MAN2A1: variants seen among roughly 807,000 people sequenced by gnomAD.
The protein encoded by MAN2A1 is alpha-mannosidase 2.
A neutral mutation model predicts 142.6 loss-of-function variants in MAN2A1; 76 were observed. The observed-to-expected ratio is 0.53, with a 90% CI of 0.44 to 0.65. The LOEUF (loss-of-function observed/expected upper bound fraction) is 0.65, where lower values mean the gene tolerates loss of function less well. MAN2A1 is among the 30% of genes least tolerant of loss of function. MAN2A1 has a pLI of 0.00. For missense variants in MAN2A1, 1,311 were observed against 1,365.1 expected (o/e 0.96, Z 0.62); for synonymous variants, 559 against 473.2 (o/e 1.18, Z -2.35).
rs373860065 is a variant in MAN2A1 at position 109,778,083 on chromosome 5, CA to C, written c.1374+3131del. Among the ~76,000 whole-genome samples the C allele has an allele frequency of 6.9e-4, 101 of 145,324 alleles. No homozygotes were observed. The South Asian group carries it at 0.011, about 16-fold the overall frequency. On this transcript the variant is annotated intron_variant, in intron 8 of 21. Transcript: ENST00000261483. ...TGTAGGTCATCTTTTAAATTTCTAC[CA>C]AAAAAAAAAAAATTGAAGGGGATTT...
chr5:109,776,639 A>T (rs1753300738), intron 8 of MAN2A1, among the ~76,000 whole-genome samples: 1 of 152,148 alleles, frequency 6.6e-6, no homozygotes, highest in African/African-American at 2.4e-5. Flanking sequence ...TACATAGAAG[A>T]AGTGGACAAA....
At chr5:109,821,519 T>C (rs1349259616) in intron 15 of MAN2A1, among the ~76,000 whole-genome samples, 1 of 152,202 alleles carries the variant, frequency 6.6e-6, no homozygotes, top group African/African-American at 2.4e-5. Flanking sequence ...CTAGAAAGAC[T>C]AGGTAAATGT....
chr5:109,851,844 G>T (rs1755490421), intron 19 of MAN2A1, among the ~76,000 whole-genome samples: 1 of 152,070 alleles, frequency 6.6e-6, no homozygotes, highest in Admixed American at 6.6e-5. Context: ...AGAAGAAATT[G>T]GGAGAGATCA....
intron 4 of MAN2A1, among the ~76,000 whole-genome samples, chr5:109,730,912 A>G (rs1245182035): frequency 6.6e-6 from 1 of 152,080 alleles, no homozygotes; most frequent in Non-Finnish European, 1.5e-5. Context: ...ATCCTTTTCT[A>G]GTGATTTGAA....
chr5:109,770,956 C>T (rs1035259132), intron 7 of MAN2A1, among the ~76,000 whole-genome samples: 1 of 152,208 alleles, frequency 6.6e-6, no homozygotes, highest in East Asian at 1.9e-4. Flanking sequence ...GTGTAATTAT[C>T]TGTTCCCTTA....
intron 4 of MAN2A1, among the ~76,000 whole-genome samples, chr5:109,738,748 T>A (rs894938147): frequency 6.6e-6 from 1 of 152,208 alleles, no homozygotes; most frequent in African/African-American, 2.4e-5. Flanking sequence ...TAAACATTAG[T>A]GCTTTTTTAA....
At chr5:109,732,955 G>A (rs1346019018) in intron 4 of MAN2A1, among the ~76,000 whole-genome samples, 1 of 152,178 alleles carries the variant, frequency 6.6e-6, no homozygotes, top group African/African-American at 2.4e-5. Context: ...ACCTTGGGCA[G>A]TATGGCCATT....
chr5:109,806,108 G>C (rs1160939645), intron 12 of MAN2A1, among the ~76,000 whole-genome samples: 1 of 152,142 alleles, frequency 6.6e-6, no homozygotes, highest in Non-Finnish European at 1.5e-5. Context: ...GGTGAATATA[G>C]AGCAGTCTGA....
At chr5:109,732,840 A>T (rs1751957512) in intron 4 of MAN2A1, among the ~76,000 whole-genome samples, 1 of 151,942 alleles carries the variant, frequency 6.6e-6, no homozygotes, top group African/African-American at 2.4e-5. Context: ...TGACTTGGCG[A>T]TGCGGGCTCT....
In MAN2A1 at chr5:109,767,462, C is replaced by G. The variant is rs1176236302; in HGVS notation, c.836-73C>G. The G allele has an allele frequency of 2.4e-6, 3 of 1,238,598 alleles. No homozygotes were observed. In the South Asian group the frequency reaches 4.2e-5, roughly 17 times the overall value. The allele number at this position is 1,238,598 out of a possible 1,614,324, so 76.7% of individuals were successfully genotyped here. ...AGGAGACTATACAATGACAATGAGT[C>G]TGAATGTGTTGTGACTTCTTTTTAT... On this transcript the variant is annotated intron_variant, in intron 5 of 21. Coordinates refer to ENST00000261483, the MANE Select transcript of MAN2A1 (RefSeq NM_002372.4).
At chr5:109,728,873 A>G (rs952302019) in intron 3 of MAN2A1, among the ~76,000 whole-genome samples, 21 of 152,116 alleles carry the variant, frequency 1.4e-4, no homozygotes, top group African/African-American at 5.1e-4. Flanking sequence ...TATACTTGCA[A>G]TCTCTTTTTT....
chr5:109,739,177 T>C (rs1752195502), intron 4 of MAN2A1, among the ~76,000 whole-genome samples: 1 of 152,136 alleles, frequency 6.6e-6, no homozygotes, highest in Non-Finnish European at 1.5e-5. Flanking sequence ...AATTTTTTTT[T>C]CTCTTCTCTC....
chr5:109,760,328 G>A (rs979530893), intron 5 of MAN2A1, among the ~76,000 whole-genome samples: 1 of 152,044 alleles, frequency 6.6e-6, no homozygotes, highest in African/African-American at 2.4e-5. Context: ...CCTTTTTATG[G>A]CTGCATAATA....
intron 12 of MAN2A1, among the ~76,000 whole-genome samples, chr5:109,806,196 C>T (rs544135195): frequency 1.3e-5 from 2 of 152,238 alleles, no homozygotes; most frequent in East Asian, 1.9e-4. Context: ...GCTTCTAGCA[C>T]GTGCACCCTG....
At chr5:109,848,146 G>A (rs1416738848) in intron 19 of MAN2A1, among the ~76,000 whole-genome samples, 2 of 152,102 alleles carry the variant, frequency 1.3e-5, no homozygotes, top group African/African-American at 4.8e-5. Flanking sequence ...ATTAAATTTG[G>A]TAAACTTTAT....
At chr5:109,808,901 C>T (rs1022255147) in intron 12 of MAN2A1, among the ~76,000 whole-genome samples, 2 of 151,906 alleles carry the variant, frequency 1.3e-5, no homozygotes, top group Admixed American at 6.6e-5. Flanking sequence ...CAGGATGTCG[C>T]CATGTTTGCC....
rs777028216 is a variant in MAN2A1, at chr5:109,767,680, A to G, written c.981A>G (p.Thr327=). 5 of 1,612,900 alleles carry G rather than the reference A, an allele frequency of 3.1e-6. No individual in the cohort carries two copies. Among genetic ancestry groups the G allele is most frequent in the Non-Finnish European group, 4.2e-6 (5 of 1,179,492 alleles). The change falls in exon 6 of 22, where the codon ACA becomes ACG. Residue 327 remains threonine (T), a synonymous_variant. Transcript: ENST00000261483. Reference sequence around the variant, plus strand: ...AAAAACACTTTGCACTGCATAAAACATTGGAGTTTTTTTGGAGACAGAATT... The same window carrying G: ...AAAAACACTTTGCACTGCATAAAACGTTGGAGTTTTTTTGGAGACAGAATT... ...AVKKHFALHK[T]LEFFWRQNWD... is the part of the protein sequence containing the mutation.
intron 3 of MAN2A1, among the ~76,000 whole-genome samples, chr5:109,721,671 A>C (rs1030538876): frequency 2.6e-5 from 4 of 152,124 alleles, no homozygotes; most frequent in African/African-American, 9.7e-5. Flanking sequence ...GTGTATTGAG[A>C]TTCTGTTTTA....
At chr5:109,754,847 C>T (rs1752644320) in intron 4 of MAN2A1, among the ~76,000 whole-genome samples, 1 of 152,114 alleles carries the variant, frequency 6.6e-6, no homozygotes, top group Non-Finnish European at 1.5e-5. Flanking sequence ...ACCAAAAATA[C>T]AAAATTAGCC....
Sources: gnomAD v4.1 joint callset for allele counts (sites outside exome capture counted in the v4.1 genomes callset) on GRCh38, gnomAD v4.1.1 for gene constraint, MANE v1.5 for transcripts, NCBI Gene and HGNC (gene_info 2026-07-23, HGNC 2026-07-21) for gene names.